The following PRSS23 variants were observed in gnomAD, a reference collection of about 807,000 sequenced individuals.
PRSS23 encodes the protein serine protease 23.
PRSS23 carries 25 observed loss-of-function variants against 34.7 expected under a neutral mutation model. The ratio of observed to expected loss-of-function variants is 0.72; its 90% CI spans 0.53 to 1.01. The LOEUF (loss-of-function observed/expected upper bound fraction) is 1.01, where lower values mean the gene tolerates loss of function less well. PRSS23 is among the 50% of genes least tolerant of loss of function. The pLI, the probability that PRSS23 is intolerant of heterozygous loss-of-function variation, is 0.00. For missense variants in PRSS23, 445 were observed against 475.6 expected (o/e 0.94, Z 0.60); for synonymous variants, 176 against 186.6 (o/e 0.94, Z 0.46).
chr11:86,946,158 G>C (rs1949240626), intron 2 of PRSS23: 1 of 152,246 alleles, frequency 6.6e-6, no homozygotes, highest in Non-Finnish European at 1.5e-5. Flanking sequence ...GAGAGATCTA[G>C]AAAGCAGCTT....
chr11:86,939,240 T>C (rs4631906), intron 2 of PRSS23: 217,122 of 273,306 alleles, frequency 0.79, 87,721 homozygotes, highest in Non-Finnish European at 0.86. Flanking sequence ...AACAAAAAAT[T>C]CTAATTACAG....
intron 2 of PRSS23, among the ~76,000 whole-genome samples, chr11:86,826,817 C>T (rs140210717): frequency 0.01 from 1,535 of 152,302 alleles, 31 homozygotes; most frequent in African/African-American, 0.035. Flanking sequence ...GTATACTGAA[C>T]GAGCCTTGCA....
intron 1 of PRSS23, among the ~76,000 whole-genome samples, chr11:86,819,447 C>A (rs1244225311): frequency 6.6e-6 from 1 of 152,118 alleles, no homozygotes; most frequent in Non-Finnish European, 1.5e-5. Flanking sequence ...TTTAGTCTCT[C>A]AATATTTAGC....
At chr11:86,922,815 T>TCCTG (rs544663489) in intron 2 of PRSS23, among the ~76,000 whole-genome samples, 3 of 152,206 alleles carry the variant, frequency 2.0e-5, no homozygotes, top group Non-Finnish European at 2.9e-5. Flanking sequence ...ACCTTCATAT[T>TCCTG]CCTGCATCTA....
At chr11:86,899,832 TAAA>T in intron 2 of PRSS23, among the ~76,000 whole-genome samples, 1 of 144,506 alleles carries the variant, frequency 6.9e-6, no homozygotes. Flanking sequence ...CCCCATTTCT[TAAA>T]AAAAAAAAAA....
intron 2 of PRSS23, among the ~76,000 whole-genome samples, chr11:86,879,532 G>A (rs1211148477): frequency 2.6e-3 from 336 of 127,346 alleles, no homozygotes; most frequent in South Asian, 8.0e-3. Context: ...CAGCCGCCCC[G>A]TCCGGGAGGG....
chr11:86,897,479 T>C lies in PRSS23; in HGVS notation c.207-53737T>C, dbSNP rs189110702. 2.5e-4 allele frequency among the ~76,000 whole-genome samples: 38 copies of C among 152,316 alleles called. No individual in the cohort carries two copies. In the East Asian group the frequency reaches 6.7e-3, roughly 27 times the overall value. On this transcript the variant is annotated intron_variant, in intron 2 of 2. Transcript: ENST00000533902. ...TTATAGTAACTCTTTATTTATTTACTTATTTAATTGAGATACAAAGTCTTG... is the reference window on the plus strand; with the variant it reads ...TTATAGTAACTCTTTATTTATTTACCTATTTAATTGAGATACAAAGTCTTG...
chr11:86,945,397 C>T (rs972776929), intron 2 of PRSS23, among the ~76,000 whole-genome samples: 1 of 148,910 alleles, frequency 6.7e-6, no homozygotes, highest in African/African-American at 2.5e-5. Flanking sequence ...ATTGGGATAA[C>T]AACTTGAGAA....
intron 2 of PRSS23, among the ~76,000 whole-genome samples, chr11:86,843,351 A>G (rs777270865): frequency 1.5e-4 from 23 of 152,248 alleles, no homozygotes; most frequent in Non-Finnish European, 3.4e-4. Flanking sequence ...CATTAAGGAC[A>G]TAGGCGTGGG....
chr11:86,944,944 G>A (rs1790512286), intron 2 of PRSS23, among the ~76,000 whole-genome samples: 1 of 152,194 alleles, frequency 6.6e-6, no homozygotes. Context: ...CAATTTAAAA[G>A]CAAACCAAGA....
At chr11:86,870,732 T>G (rs543570613) in intron 2 of PRSS23, among the ~76,000 whole-genome samples, 1 of 152,324 alleles carries the variant, frequency 6.6e-6, no homozygotes, top group East Asian at 1.9e-4. Flanking sequence ...TTTCTTTTGA[T>G]TTGTCTTCAA....
At chr11:86,901,770 A>C (rs1590920939) in intron 2 of PRSS23, among the ~76,000 whole-genome samples, 1 of 152,172 alleles carries the variant, frequency 6.6e-6, no homozygotes, top group African/African-American at 2.4e-5. Context: ...CCTTGCTCAC[A>C]TAGTATAGTA....
At chr11:86,846,031 A>G (rs1204108533) in intron 2 of PRSS23, among the ~76,000 whole-genome samples, 1 of 152,134 alleles carries the variant, frequency 6.6e-6, no homozygotes, top group Non-Finnish European at 1.5e-5. Context: ...CCCACCACAC[A>G]TATTTCCTGC....
upstream of PRSS23, among the ~76,000 whole-genome samples, chr11:86,795,624 C>G (rs1043545364): frequency 6.6e-6 from 1 of 152,302 alleles, no homozygotes; most frequent in East Asian, 1.9e-4. Flanking sequence ...AAATCAAGGC[C>G]AATGAGTGTG....
chr11:86,796,076 G>C (rs558118252), upstream of PRSS23, among the ~76,000 whole-genome samples: 4 of 152,240 alleles, frequency 2.6e-5, no homozygotes, highest in African/African-American at 9.6e-5. Flanking sequence ...TACATAACTG[G>C]AACAAAAGCA....
intron 2 of PRSS23, among the ~76,000 whole-genome samples, chr11:86,885,515 C>G (rs947860647): frequency 6.6e-6 from 1 of 152,166 alleles, no homozygotes; most frequent in African/African-American, 2.4e-5. Flanking sequence ...TGTGAGTAAA[C>G]GGATTACCCT....
At chr11:86,928,707 T>TATATATATATA (rs59624601) in intron 2 of PRSS23, among the ~76,000 whole-genome samples, 2,552 of 65,804 alleles carry the variant, frequency 0.039, 320 homozygotes, top group Non-Finnish European at 0.051. Flanking sequence ...AAAAAAAAAA[T>TATATATATATA]TGGCAAGACA....
At chr11:86,841,026 C>T (rs1224088788) in intron 2 of PRSS23, among the ~76,000 whole-genome samples, 2 of 152,128 alleles carry the variant, frequency 1.3e-5, no homozygotes, top group Non-Finnish European at 2.9e-5. Flanking sequence ...CTAAAATTGA[C>T]ACCCTGACAT....
At position 86,808,805 on chromosome 11, in the gene PRSS23, C is replaced by G. The variant is rs1948141846; in HGVS notation, c.*10C>G. The G allele has an allele frequency of 2.5e-6, 4 of 1,591,058 alleles. No homozygotes were observed. In the African/African-American group the frequency reaches 5.4e-5, roughly 21 times the overall value. On this transcript the variant is annotated 3_prime_UTR_variant, in exon 2 of 2. Coordinates refer to ENST00000280258, the MANE Select transcript of PRSS23 (RefSeq NM_007173.6). ...TTGTAGGGAGGGGTGACACAGTGTT[C>G]CCTCCTGGCAGCAATTAAGGGTCTT...
Sources: gnomAD v4.1 joint callset for allele counts (sites outside exome capture counted in the v4.1 genomes callset) on GRCh38, gnomAD v4.1.1 for gene constraint, MANE v1.5 for transcripts, NCBI Gene and HGNC (gene_info 2026-07-23, HGNC 2026-07-21) for gene names.